The following KRT20 variants were observed in gnomAD, a reference collection of about 807,000 sequenced individuals.
The protein encoded by KRT20 is keratin 20.
KRT20 carries 41 observed loss-of-function variants against 43.0 expected under a neutral mutation model. The ratio of observed to expected loss-of-function variants is 0.95; its 90% CI spans 0.74 to 1.24. KRT20 has a LOEUF of 1.24. KRT20 is among the 50% of genes most tolerant of loss of function. The probability of loss-of-function intolerance (pLI) is 0.00; values close to 1 mark genes in which losing one functional copy is unlikely to be tolerated. For missense variants in KRT20, 533 were observed against 521.2 expected, an observed-to-expected ratio of 1.02 and a Z score of -0.22; for synonymous variants, 207 against 200.6, an observed-to-expected ratio of 1.03 and a Z score of -0.27.
At chr17:40,880,078 C>T in intron 4 of KRT20, 22 bp downstream of exon 4, 1 of 1,604,746 alleles carries the variant, frequency 6.2e-7, no homozygotes, top group Non-Finnish European at 8.5e-7. Context: ...CGTTTGCTCA[C>T]CCTTTAGAAT....
chr17:40,880,843 G>T (rs901492554), intron 2 of KRT20, 73 bp from the exon 3 acceptor site: 9 of 1,208,874 alleles, frequency 7.4e-6, no homozygotes, highest in Non-Finnish European at 4.4e-6. Context: ...TAATATAATG[G>T]GATAGGTTTT....
intron 1 of KRT20, among the ~76,000 whole-genome samples, chr17:40,883,707 A>G (rs1423583526): frequency 1.3e-5 from 2 of 152,238 alleles, no homozygotes; most frequent in African/African-American, 2.4e-5. Context: ...GCTCAATGGG[A>G]CGGATGGCCT....
rs1907536610 is a variant in KRT20, at chr17:40,880,220, A to G, written c.672T>C (p.Asn224=). The G allele has an allele frequency of 9.3e-6, 15 of 1,613,748 alleles. No homozygotes were observed. The highest frequency in any genetic ancestry group is 1.2e-5 in the Non-Finnish European group (14 of 1,179,870). ...GGCCTGGAGCAGCATCAACCTCCAC[A>G]TTGACAGTGTTGCCCAGATGCTTGT... ...GLHKHLGNTV[N]VEVDAAPGLN... is the part of the protein sequence containing the mutation. Residue 224 remains asparagine, a synonymous_variant, in exon 4 of 8, where the codon AAT becomes AAC. Transcript: ENST00000167588.
intron 2 of KRT20, 126 bp downstream of exon 2, chr17:40,882,446 G>A (rs17567356): frequency 0.078 from 29,145 of 375,152 alleles, 1,195 homozygotes; most frequent in Admixed American, 0.11. Context: ...ACCTCCTTTA[G>A]GCTTCAGGAT....
Position 40,882,631 on chromosome 17 carries a change from A to G in KRT20, c.414T>C (p.Asn138=). 6.4e-7 allele frequency: 1 copy of G among 1,552,052 alleles called. No homozygotes were observed. Among genetic ancestry groups the G allele is most frequent in the Non-Finnish European group, 8.7e-7 (1 of 1,146,074 alleles). ...RSQIKDAQLQ[N]ARCVLQIDNA... is the part of the protein sequence containing the mutation. ...TATCAATTTGCAGGACACACCGAGC[A>G]TTTTGCAGTTGAGCATCCTTAATCT... The change falls in exon 2 of 8, where the codon AAT becomes AAC. Residue 138 remains asparagine, a synonymous_variant. Coordinates refer to ENST00000167588, the MANE Select transcript of KRT20 (RefSeq NM_019010.3).
At chr17:40,883,993 T>C (rs1907704691) in intron 1 of KRT20, among the ~76,000 whole-genome samples, 1 of 152,238 alleles carries the variant, frequency 6.6e-6, no homozygotes, top group African/African-American at 2.4e-5. Flanking sequence ...TAACACAAAT[T>C]ACAGTGAACA....
chr17:40,880,708 A>G lies in KRT20; in HGVS notation c.536T>C (p.Val179Ala), dbSNP rs908623776. 4 of 1,604,752 alleles carry G rather than the reference A, an allele frequency of 2.5e-6. No individual in the cohort carries two copies. In the African/African-American group the frequency reaches 4.0e-5, roughly 16 times the overall value. ...VEADLQGLNK[V>A]FDDLTLHKTD... Reference sequence around the variant, plus strand: ...TTTATGTAGGGTTAGGTCATCAAAGACCTTATTCAGGCCTTGGAGATCAGC... The same window carrying G: ...TTTATGTAGGGTTAGGTCATCAAAGGCCTTATTCAGGCCTTGGAGATCAGC... Residue 179 changes from valine to alanine, a missense_variant, in exon 3 of 8, where the codon GTC becomes GCC. Val to Ala is a moderately conservative substitution (Grantham distance 64). Transcript: ENST00000167588.
intron 1 of KRT20, among the ~76,000 whole-genome samples, chr17:40,883,827 T>C (rs1207080944): frequency 6.6e-6 from 1 of 152,244 alleles, no homozygotes; most frequent in Non-Finnish European, 1.5e-5. Context: ...CCGGAAGGGC[T>C]ATTTAAATGC....
At position 40,884,947 on chromosome 17, in the gene KRT20, C is replaced by T. The variant is rs764730297; in HGVS notation, c.239G>A (p.Arg80His). 3 of 1,614,190 alleles carry T rather than the reference C, an allele frequency of 1.9e-6. No homozygotes were observed. Among genetic ancestry groups the T allele is most frequent in the Non-Finnish European group, 1.7e-6 (2 of 1,180,030 alleles). ...EKMAMQNLND[R>H]LASYLEKVRT... ...CACCTTTTCTAGGTAGCTCGCTAGA[C>T]GGTCATTTAGGTTCTGCATGGCCAT... Residue 80 changes from arginine to histidine, a missense_variant, in exon 1 of 8, where the codon CGT becomes CAT. Coordinates refer to ENST00000167588, the MANE Select transcript of KRT20 (RefSeq NM_019010.3).
intron 1 of KRT20, among the ~76,000 whole-genome samples, chr17:40,884,094 A>G (rs1026805752): frequency 6.6e-6 from 1 of 152,218 alleles, no homozygotes; most frequent in African/African-American, 2.4e-5. Flanking sequence ...TTCTGCTTTT[A>G]TTCCATGAAA....
chr17:40,878,069 G>T, intron 6 of KRT20, 76 bp downstream of exon 6: 1 of 1,218,016 alleles, frequency 8.2e-7, no homozygotes, highest in Non-Finnish European at 1.2e-6. Flanking sequence ...TTGGTGCTGG[G>T]TAATGAGTGA....
At chr17:40,880,292 G>C in intron 3 of KRT20, 31 bp from the exon 4 acceptor site, 1 of 1,571,804 alleles carries the variant, frequency 6.4e-7, no homozygotes, top group Middle Eastern at 1.7e-4. Flanking sequence ...ATTGATTTTA[G>C]TCTGAAGCAC....
intron 5 of KRT20, among the ~76,000 whole-genome samples, chr17:40,878,611 G>A (rs1003850263): frequency 3.3e-5 from 5 of 152,042 alleles, no homozygotes; most frequent in Non-Finnish European, 7.4e-5. Context: ...GCGCATTGTA[G>A]CATTGTTCTC....
Position 40,880,725 on chromosome 17 carries a change from G to A in KRT20, c.519C>T (p.Leu173=), listed in dbSNP as rs368215658. 4.8e-5 allele frequency: 76 copies of A among 1,595,530 alleles called. No homozygotes were observed. The highest frequency in any genetic ancestry group is 5.7e-5 in the Non-Finnish European group (67 of 1,171,562). Residue 173 remains leucine (L), a synonymous_variant, in exon 3 of 8, where the codon CTC becomes CTT. Coordinates refer to ENST00000167588, the MANE Select transcript of KRT20 (RefSeq NM_019010.3). ...CATCAAAGACCTTATTCAGGCCTTG[G>A]AGATCAGCTTCCACTGTTAGACGTA... ...RGIRLTVEAD[L]QGLNKVFDDL... is the part of the protein sequence containing the mutation.
At chr17:40,880,821 A>G (rs770185703) in intron 2 of KRT20, 51 bp from the exon 3 acceptor site, 3 of 1,388,802 alleles carry the variant, frequency 2.2e-6, no homozygotes, top group Non-Finnish European at 2.9e-6. Flanking sequence ...AAGCCATTAT[A>G]AGGAGAGAAT....
intron 1 of KRT20, among the ~76,000 whole-genome samples, chr17:40,883,680 A>G (rs1324600144): frequency 6.6e-6 from 1 of 152,204 alleles, no homozygotes; most frequent in African/African-American, 2.4e-5. Context: ...GCTGCTTCCT[A>G]TGGTTGGGAC....
chr17:40,881,081 G>A (rs937973059), intron 2 of KRT20, among the ~76,000 whole-genome samples: 1 of 152,062 alleles, frequency 6.6e-6, no homozygotes, highest in East Asian at 1.9e-4. Flanking sequence ...GTTGGCAAAG[G>A]GTTCTTATTA....
At chr17:40,877,010 A>G (rs1468826774) in intron 7 of KRT20, among the ~76,000 whole-genome samples, 2 of 152,194 alleles carry the variant, frequency 1.3e-5, no homozygotes, top group African/African-American at 4.8e-5. Flanking sequence ...CTCTTCTCTC[A>G]TGGATGGATT....
intron 2 of KRT20, among the ~76,000 whole-genome samples, chr17:40,881,264 T>TGTGTGTGTG (rs1907586158): frequency 1.3e-5 from 2 of 150,830 alleles, no homozygotes; most frequent in African/African-American, 4.9e-5. Context: ...TGTGTGTGTA[T>TGTGTGTGTG]TTGAGACAGG....
Sources: gnomAD v4.1 joint callset for allele counts (sites outside exome capture counted in the v4.1 genomes callset) on GRCh38, gnomAD v4.1.1 for gene constraint, MANE v1.5 for transcripts, NCBI Gene and HGNC (gene_info 2026-07-23, HGNC 2026-07-21) for gene names.